The following CES5A variants were observed in gnomAD, a reference collection of about 807,000 sequenced individuals.
CES5A encodes the protein carboxylesterase 5A, also known as carboxylesterase 5.
A neutral mutation model predicts 62.9 loss-of-function variants in CES5A; 67 were observed. That is an observed-to-expected ratio of 1.07 (90% confidence interval 0.88 to 1.31). The LOEUF (loss-of-function observed/expected upper bound fraction) is 1.31. Among genes scored for constraint, CES5A ranks in the 50% most tolerant of loss-of-function variants. The pLI, the probability that CES5A is intolerant of heterozygous loss-of-function variation, is 0.00. For missense variants in CES5A, 748 were observed against 708.5 expected (o/e 1.06, Z -0.63); for synonymous variants, 296 against 280.8 (o/e 1.05, Z -0.54).
chr16:55,948,799 G>C lies in CES5A; in HGVS notation c.160+986C>G, dbSNP rs553945244. On this transcript the variant is annotated intron_variant, in intron 2 of 13. Transcript: ENST00000521992. ...AAGGGTCAAATTTAGGATCAATTTG[G>C]ATGGTAAAGCTAAGCAGATTCCTTG... Among the ~76,000 whole-genome samples, 33 of 152,238 alleles carry C rather than the reference G, an allele frequency of 2.2e-4. No individual in the cohort carries two copies. The South Asian group carries it at 6.5e-3, about 30-fold the overall frequency.
chr16:55,917,435 C>T (rs2034158155), intron 1 of CES5A, among the ~76,000 whole-genome samples: 1 of 152,238 alleles, frequency 6.6e-6, no homozygotes, highest in African/African-American at 2.4e-5. Context: ...GCTGCAGTCT[C>T]ATCTGAAGGT....
rs1484033533 is a variant in CES5A, at chr16:55,875,248, C to G, written c.-27G>C. On this transcript the variant is annotated 5_prime_UTR_variant, in exon 1 of 13. The change abolishes an upstream ATG in the 5' untranslated region. Coordinates refer to ENST00000290567, the MANE Select transcript of CES5A (RefSeq NM_001143685.2). ...TGGCTGCCTGCCTGCACTCTGTGAA[C>G]ATTGACGGCGGCTGCTGGCCTCAGA... is the stretch of plus-strand genomic sequence containing the variant. 1.9e-6 allele frequency: 3 copies of G among 1,608,570 alleles called. No homozygotes were observed. In the African/African-American group the frequency reaches 4.0e-5, roughly 22 times the overall value.
At chr16:55,894,558 T>C (rs2033913424) in intron 1 of CES5A, among the ~76,000 whole-genome samples, 1 of 149,280 alleles carries the variant, frequency 6.7e-6, no homozygotes, top group Non-Finnish European at 1.5e-5. Context: ...TTTTAGAGGA[T>C]GTGGGTGACA....
chr16:55,910,818 C>T (rs1162920840), intron 1 of CES5A, among the ~76,000 whole-genome samples: 1 of 148,668 alleles, frequency 6.7e-6, no homozygotes, highest in African/African-American at 2.4e-5. Context: ...GCCCAGCTGC[C>T]CATGGCCAGC....
intron 1 of CES5A, among the ~76,000 whole-genome samples, chr16:55,924,817 C>T (rs1387997220): frequency 1.3e-5 from 2 of 151,760 alleles, no homozygotes; most frequent in Non-Finnish European, 3.0e-5. Flanking sequence ...TATCTACATG[C>T]AGAAGAATGA....
At chr16:55,855,522 T>C (rs1403422741) in intron 9 of CES5A, among the ~76,000 whole-genome samples, 1 of 152,170 alleles carries the variant, frequency 6.6e-6, no homozygotes, top group African/African-American at 2.4e-5. Flanking sequence ...CCCAGTCCCA[T>C]GTGTGTTTCA....
At chr16:55,861,898 A>C (rs1376025311) in intron 6 of CES5A, among the ~76,000 whole-genome samples, 1 of 152,126 alleles carries the variant, frequency 6.6e-6, no homozygotes, top group African/African-American at 2.4e-5. Context: ...GAATGAAGAC[A>C]AACACCAAGA....
intron 1 of CES5A, among the ~76,000 whole-genome samples, chr16:55,923,178 T>C (rs888075616): frequency 5.3e-5 from 8 of 150,672 alleles, no homozygotes; most frequent in Non-Finnish European, 1.0e-4. Flanking sequence ...ATAATAAAGA[T>C]CAGAGCAGAA....
chr16:55,953,479 A>T (rs1243033431), intron 1 of CES5A, among the ~76,000 whole-genome samples: 1 of 152,200 alleles, frequency 6.6e-6, no homozygotes, highest in Non-Finnish European at 1.5e-5. Flanking sequence ...ATCAACACAC[A>T]AAATTAATAA....
intron 1 of CES5A, among the ~76,000 whole-genome samples, chr16:55,881,741 G>A (rs2033764234): frequency 1.3e-5 from 2 of 152,178 alleles, no homozygotes; most frequent in African/African-American, 4.8e-5. Flanking sequence ...CTTCACTAAG[G>A]CAGTAAAGAA....
At chr16:55,897,668 T>A (rs957690174) in intron 1 of CES5A, among the ~76,000 whole-genome samples, 2 of 152,216 alleles carry the variant, frequency 1.3e-5, no homozygotes, top group African/African-American at 2.4e-5. Flanking sequence ...AGATCCCACA[T>A]GGGACAGATA....
At chr16:55,932,592 T>G (rs2034326727) in intron 2 of CES5A, among the ~76,000 whole-genome samples, 1 of 150,076 alleles carries the variant, frequency 6.7e-6, no homozygotes, top group Admixed American at 6.6e-5. Context: ...CTGGATAGAG[T>G]CATCAGGGAG....
intron 2 of CES5A, among the ~76,000 whole-genome samples, chr16:55,933,158 G>A (rs1389702773): frequency 2.0e-5 from 3 of 152,310 alleles, no homozygotes; most frequent in Non-Finnish European, 4.4e-5. Context: ...GATGAAGGAG[G>A]CACGTCATGG....
At chr16:55,848,307 G>T (rs1310008596) in intron 11 of CES5A, among the ~76,000 whole-genome samples, 1 of 151,838 alleles carries the variant, frequency 6.6e-6, no homozygotes, top group Non-Finnish European at 1.5e-5. Context: ...TTTGTAGAGA[G>T]GGGGTCTTAC....
In CES5A at chr16:55,952,102, C is replaced by T. The variant is rs746543555; in HGVS notation, c.43-2200G>A. 4.0e-5 allele frequency among the ~76,000 whole-genome samples: 6 copies of T among 151,886 alleles called. 1 individual carries two copies. The highest frequency in any genetic ancestry group is 1.5e-4 in the African/African-American group (6 of 41,354). Reference sequence around the variant, plus strand: ...AAGTCAGACAGGTTACCATCTGGGACAAAATGTAATAAAATTAGAAATTAA... The same window carrying T: ...AAGTCAGACAGGTTACCATCTGGGATAAAATGTAATAAAATTAGAAATTAA... On this transcript the variant is annotated intron_variant, in intron 1 of 13. Transcript: ENST00000521992.
At chr16:55,941,209 T>C (rs1395053669) in intron 2 of CES5A, among the ~76,000 whole-genome samples, 2 of 151,992 alleles carry the variant, frequency 1.3e-5, no homozygotes, top group African/African-American at 4.8e-5. Flanking sequence ...AAATAAAACC[T>C]TCTATTTGTA....
chr16:55,926,285 C>T (rs1486949272), upstream of CES5A, among the ~76,000 whole-genome samples: 1 of 152,068 alleles, frequency 6.6e-6, no homozygotes, highest in Non-Finnish European at 1.5e-5. Context: ...AGAAAAAAGG[C>T]AATAAATCTG....
chr16:55,880,806 T>C (rs2033753785), intron 1 of CES5A, among the ~76,000 whole-genome samples: 1 of 152,210 alleles, frequency 6.6e-6, no homozygotes, highest in African/African-American at 2.4e-5. Flanking sequence ...AATGGCAGTC[T>C]CTGTTAATCA....
chr16:55,917,146 T>C (rs2034154991), intron 1 of CES5A, among the ~76,000 whole-genome samples: 1 of 152,220 alleles, frequency 6.6e-6, no homozygotes, highest in South Asian at 2.1e-4. Flanking sequence ...TTTAATCATC[T>C]TATCCAGTTC....
Sources: allele counts gnomAD v4.1 joint callset (sites outside exome capture counted in the v4.1 genomes callset), GRCh38; gene constraint gnomAD v4.1.1; transcripts MANE v1.5; gene names NCBI Gene and HGNC (gene_info 2026-07-23, HGNC 2026-07-21).